The following USP44 variants were observed in gnomAD, a reference collection of about 807,000 sequenced individuals.
The protein encoded by USP44 is ubiquitin carboxyl-terminal hydrolase 44.
Under a neutral mutation model 69.0 loss-of-function variants are expected in USP44, and 61 were observed. The observed-to-expected ratio is 0.88, with a 90% confidence interval of 0.72 to 1.09. USP44 has a LOEUF of 1.09. Among genes scored for constraint, USP44 ranks in the 50% least tolerant of loss-of-function variants. The pLI is 0.00. For synonymous variants in USP44, 297 were observed against 295.4 expected, an observed-to-expected ratio of 1.01 and a Z score of -0.06; for missense variants, 753 against 849.9, an observed-to-expected ratio of 0.89 and a Z score of 1.42.
chr12:95,532,170 T>TG (rs2077042078), intron 2 of USP44, among the ~76,000 whole-genome samples: 2 of 123,128 alleles, frequency 1.6e-5, no homozygotes, highest in Non-Finnish European at 3.8e-5. Context: ...TCTTTGGGTT[T>TG]TTTTTTTTTT....
chr12:95,543,087 C>CAAA (rs556889371), intron 1 of USP44, among the ~76,000 whole-genome samples: 9 of 110,320 alleles, frequency 8.2e-5, no homozygotes, highest in African/African-American at 3.2e-4. Flanking sequence ...GACTCTGTCT[C>CAAA]AAAAAAAAAA....
chr12:95,523,212 G>T (rs1157855377), intron 4 of USP44, among the ~76,000 whole-genome samples: 1 of 152,154 alleles, frequency 6.6e-6, no homozygotes, highest in Non-Finnish European at 1.5e-5. Context: ...TGAGTTCTGT[G>T]GGGGCCCTCT....
chr12:95,531,107 T>G (rs1354121386), intron 2 of USP44, among the ~76,000 whole-genome samples: 1 of 151,848 alleles, frequency 6.6e-6, no homozygotes, highest in Non-Finnish European at 1.5e-5. Flanking sequence ...GAGCTTGCAG[T>G]GAGCCGAGAT....
intron 3 of USP44, among the ~76,000 whole-genome samples, chr12:95,526,905 T>A (rs886470752): frequency 6.6e-5 from 10 of 152,152 alleles, no homozygotes; most frequent in African/African-American, 2.4e-4. Context: ...TATATCTTAT[T>A]CTTTTTTTTA....
intron 5 of USP44, among the ~76,000 whole-genome samples, chr12:95,519,730 C>A (rs1342379071): frequency 6.6e-6 from 1 of 150,692 alleles, no homozygotes; most frequent in African/African-American, 2.4e-5. Context: ...CCGCGCCCGG[C>A]CCTCAATCTG....
At chr12:95,542,314 A>G (rs2077415421) in intron 1 of USP44, among the ~76,000 whole-genome samples, 1 of 152,234 alleles carries the variant, frequency 6.6e-6, no homozygotes, top group Non-Finnish European at 1.5e-5. Context: ...TGGTCAGGAA[A>G]AGACTATATC....
chr12:95,537,072 C>T (rs571570232), intron 1 of USP44, among the ~76,000 whole-genome samples: 5 of 152,104 alleles, frequency 3.3e-5, no homozygotes, highest in South Asian at 2.1e-4. Flanking sequence ...GGAGAAGGGA[C>T]GAGTGATTAA....
chr12:95,527,245 C>A (rs2076869920), intron 3 of USP44, among the ~76,000 whole-genome samples: 1 of 152,054 alleles, frequency 6.6e-6, no homozygotes, highest in Admixed American at 6.6e-5. Flanking sequence ...CAGGCGCACG[C>A]CACCATGCCC....
intron 1 of USP44, among the ~76,000 whole-genome samples, chr12:95,543,966 CAAAAAAAAAAAAAA>C (rs760105964): frequency 4.2e-5 from 2 of 47,682 alleles, no homozygotes; most frequent in African/African-American, 1.4e-4. Flanking sequence ...GACTGCATCT[CAAAAAAAAAAAAAA>C]AAAAAAAAAG....
chr12:95,524,531 T>G, intron 4 of USP44, 149 bp downstream of exon 4: 1 of 552,606 alleles, frequency 1.8e-6, no homozygotes, highest in Non-Finnish European at 3.1e-6. Flanking sequence ...TGTAAGTCAT[T>G]TACTAGCCAA....
At chr12:95,521,885 A>T (rs932067855) in intron 4 of USP44, 2 of 271,050 alleles carry the variant, frequency 7.4e-6, no homozygotes, top group Non-Finnish European at 1.1e-5. Flanking sequence ...CCAGGTATGG[A>T]GGAAAACAAA....
Position 95,529,019 on chromosome 12 carries a change from G to C in USP44, c.1429-17C>G. 6.3e-7 allele frequency: 1 copy of C among 1,582,616 alleles called. No homozygotes were observed. The highest frequency in any genetic ancestry group is 1.2e-5 in the South Asian group (1 of 85,702). On this transcript the variant is annotated splice_polypyrimidine_tract_variant and intron_variant, in intron 2 of 5. Transcript: ENST00000258499. Reference sequence around the variant, plus strand: ...ACATGTAACCTGCAAATGAGAATATGAGTTCCTAAGATTATAATCTTTCCA... The same window carrying C: ...ACATGTAACCTGCAAATGAGAATATCAGTTCCTAAGATTATAATCTTTCCA...
Position 95,524,690 on chromosome 12 carries a change from T to A in USP44, c.1723A>T (p.Lys575Ter). 6.2e-7 allele frequency: 1 copy of A among 1,609,798 alleles called. No homozygotes were observed. The highest frequency in any genetic ancestry group is 1.3e-5 in the African/African-American group (1 of 74,832). ...GGTCCTACTACAGACCTGAATCGTT[T>A]GAGGTGCAGTCTGAGAACCTGAGGT... Reference protein sequence around the residue: ...HLPQVLRLHLKRFRWSGRNNR... With the variant: ...HLPQVLRLHL The change falls in exon 4 of 6, where the codon AAA (lysine) becomes TAA (stop). Residue 575 changes from lysine (K) to a stop codon, truncating the protein, a stop_gained. Transcript: ENST00000258499. LOFTEE classifies it high-confidence loss of function.
At position 95,533,518 on chromosome 12, in the gene USP44, A is replaced by C; in HGVS notation, c.739T>G (p.Ser247Ala). The change falls in exon 2 of 6, where the codon TCT becomes GCT. Residue 247 changes from serine (S) to alanine (A), a missense_variant. Transcript: ENST00000258499. ...PASPAKDKVL[S>A]TSENEISQKV... is the part of the protein sequence containing the mutation. ...TGAGATATTTCATTTTCTGAGGTAG[A>C]GAGTACTTTATCTTTTGCTGGTGAT... The C allele has an allele frequency of 6.2e-7, 1 of 1,614,036 alleles. No individual in the cohort carries two copies. The highest frequency in any genetic ancestry group is 8.5e-7 in the Non-Finnish European group (1 of 1,179,994).
intron 3 of USP44, among the ~76,000 whole-genome samples, chr12:95,527,383 C>A (rs1179817555): frequency 6.6e-6 from 1 of 152,118 alleles, no homozygotes; most frequent in African/African-American, 2.4e-5. Context: ...GTGTGAGCCA[C>A]TGTGCCCAGC....
At chr12:95,524,911 T>C (rs1194333757) in intron 3 of USP44, 123 bp from the exon 4 acceptor site, 3 of 855,300 alleles carry the variant, frequency 3.5e-6, no homozygotes, top group Non-Finnish European at 5.0e-6. Context: ...GGCATTGTAC[T>C]GTGCTAGAGA....
chr12:95,543,966 CA>C (rs760105964), intron 1 of USP44, among the ~76,000 whole-genome samples: 1,134 of 47,690 alleles, frequency 0.024, 3 homozygotes, highest in Admixed American at 0.041. Context: ...GACTGCATCT[CA>C]AAAAAAAAAA....
At chr12:95,521,751 C>T (rs779332278) in intron 4 of USP44, among the ~76,000 whole-genome samples, 32 of 152,106 alleles carry the variant, frequency 2.1e-4, no homozygotes, top group Non-Finnish European at 4.1e-4. Context: ...CCTTCCAAAG[C>T]GCTGGGATTA....
intron 4 of USP44, among the ~76,000 whole-genome samples, chr12:95,523,224 G>GA (rs1248462761): frequency 1.3e-5 from 2 of 152,122 alleles, no homozygotes; most frequent in Non-Finnish European, 2.9e-5. Context: ...GGGCCCTCTG[G>GA]AAAATTAATC....
Sources: allele counts gnomAD v4.1 joint callset (sites outside exome capture counted in the v4.1 genomes callset), GRCh38; gene constraint gnomAD v4.1.1; transcripts MANE v1.5; gene names NCBI Gene and HGNC (gene_info 2026-07-23, HGNC 2026-07-21).